CPED1: variants seen among roughly 807,000 people sequenced by gnomAD.
CPED1 encodes cadherin-like and PC-esterase domain-containing protein 1.
A neutral mutation model predicts 128.2 loss-of-function variants in CPED1; 114 were observed. The observed-to-expected ratio is 0.89, with a 90% CI of 0.76 to 1.04. The LOEUF is 1.04. Ranked by LOEUF, CPED1 falls within the 50% of genes least tolerant of loss-of-function variation. The pLI is 0.00. For missense variants in CPED1, 1,211 were observed against 1,207.1 expected, an observed-to-expected ratio of 1.00 and a Z score of -0.05; for synonymous variants, 462 against 426.7, an observed-to-expected ratio of 1.08 and a Z score of -1.02.
chr7:121,151,317 A>G (rs1796153659), intron 16 of CPED1, among the ~76,000 whole-genome samples: 2 of 152,194 alleles, frequency 1.3e-5, no homozygotes, highest in African/African-American at 2.4e-5. Context: ...GTAACTCACA[A>G]TCTGAAGCAG....
At chr7:121,037,510 A>G (rs907567187) in intron 3 of CPED1, among the ~76,000 whole-genome samples, 1 of 152,050 alleles carries the variant, frequency 6.6e-6, no homozygotes, top group Non-Finnish European at 1.5e-5. Flanking sequence ...GCCTATTTTT[A>G]TACTAGTACC....
chr7:120,999,297 GATTA>G (rs1472873358), intron 2 of CPED1, among the ~76,000 whole-genome samples: 2 of 152,010 alleles, frequency 1.3e-5, no homozygotes, highest in Admixed American at 6.6e-5. Flanking sequence ...CATTAAAGTT[GATTA>G]ATTATCTTTG....
chr7:121,236,080 G>A (rs898167489), intron 16 of CPED1, among the ~76,000 whole-genome samples: 9 of 152,116 alleles, frequency 5.9e-5, no homozygotes, highest in Non-Finnish European at 1.0e-4. Context: ...TCCAGCCTGC[G>A]GGTGCAGCTC....
intron 16 of CPED1, among the ~76,000 whole-genome samples, chr7:121,142,904 A>G (rs1795939676): frequency 6.6e-6 from 1 of 151,956 alleles, no homozygotes; most frequent in African/African-American, 2.4e-5. Flanking sequence ...ATGTCACATT[A>G]TATATTACTG....
chr7:121,170,571 T>G (rs1193445296), intron 16 of CPED1, among the ~76,000 whole-genome samples: 1 of 152,172 alleles, frequency 6.6e-6, no homozygotes, highest in Non-Finnish European at 1.5e-5. Context: ...GTTATTATTA[T>G]TAGTACATAC....
At chr7:121,235,592 A>G (rs896665107) in intron 16 of CPED1, among the ~76,000 whole-genome samples, 1 of 152,150 alleles carries the variant, frequency 6.6e-6, no homozygotes, top group African/African-American at 2.4e-5. Flanking sequence ...AATTTCTCAT[A>G]TAATGAGGGA....
At chr7:121,274,020 TTTTA>T (rs776288956) in intron 22 of CPED1, among the ~76,000 whole-genome samples, 125 of 152,246 alleles carry the variant, frequency 8.2e-4, no homozygotes, top group Admixed American at 2.0e-3. Context: ...TAGAAAGAAT[TTTTA>T]TTTGTTTATT....
chr7:121,288,338 C>A (rs1792626600), intron 22 of CPED1, among the ~76,000 whole-genome samples: 1 of 152,190 alleles, frequency 6.6e-6, no homozygotes, highest in African/African-American at 2.4e-5. Flanking sequence ...GTTGGGCCAG[C>A]CACTGGCCTG....
At chr7:121,086,953 C>T (rs1794439011) in intron 5 of CPED1, among the ~76,000 whole-genome samples, 1 of 152,234 alleles carries the variant, frequency 6.6e-6, no homozygotes, top group Non-Finnish European at 1.5e-5. Context: ...CAGAGGCAAA[C>T]TTGGGCAAGG....
intron 5 of CPED1, among the ~76,000 whole-genome samples, chr7:121,066,800 G>T (rs535991685): frequency 2.0e-5 from 3 of 152,076 alleles, no homozygotes; most frequent in Non-Finnish European, 4.4e-5. Flanking sequence ...CACATCCCTG[G>T]ATTCAACCAA....
At chr7:121,096,653 A>G (rs1052661110) in intron 5 of CPED1, among the ~76,000 whole-genome samples, 3 of 152,196 alleles carry the variant, frequency 2.0e-5, no homozygotes, top group Non-Finnish European at 4.4e-5. Flanking sequence ...GAAATAGCAA[A>G]AGAAAAACAT....
chr7:121,152,808 GAT>G (rs1427989481), intron 16 of CPED1, among the ~76,000 whole-genome samples: 3 of 152,138 alleles, frequency 2.0e-5, no homozygotes, highest in Non-Finnish European at 2.9e-5. Context: ...GATTTAATAA[GAT>G]ACAAAAATAT....
intron 5 of CPED1, among the ~76,000 whole-genome samples, chr7:121,071,952 G>A (rs763134107): frequency 5.3e-5 from 8 of 151,826 alleles, no homozygotes; most frequent in Admixed American, 2.0e-4. Flanking sequence ...ACTTTCTTTT[G>A]GCCTTCCTCA....
chr7:121,162,194 G>T (rs897826645), intron 16 of CPED1, among the ~76,000 whole-genome samples: 4 of 152,216 alleles, frequency 2.6e-5, no homozygotes, highest in Non-Finnish European at 1.5e-5. Context: ...GAGGACTATG[G>T]CTAAGTGGAA....
intron 16 of CPED1, among the ~76,000 whole-genome samples, chr7:121,228,685 A>G (rs1366531480): frequency 6.6e-6 from 1 of 152,040 alleles, no homozygotes; most frequent in Admixed American, 6.6e-5. Flanking sequence ...TCAAAGGGAT[A>G]CCTGCACTCA....
rs1381020448 is a variant in CPED1, at chr7:121,296,510, T to C, written c.*858T>C. 1 of 152,174 alleles carries C rather than the reference T, an allele frequency of 6.6e-6. No homozygotes were observed. Among genetic ancestry groups the C allele is most frequent in the African/African-American group, 2.4e-5 (1 of 41,472 alleles). 9.4% of individuals were successfully genotyped at this position (152,174 alleles called of 1,614,324 possible). A position where few individuals can be genotyped will look rare whatever the true frequency, so the allele number is the denominator to read the frequency against. On this transcript the variant is annotated 3_prime_UTR_variant, in exon 23 of 23. Transcript: ENST00000310396. Reference sequence around the variant, plus strand: ...CCTATGTAACTTAAAATTACAATTATATTTTATGTAAATATTTTGCAAAGG... The same window carrying C: ...CCTATGTAACTTAAAATTACAATTACATTTTATGTAAATATTTTGCAAAGG...
At chr7:121,026,609 C>A (rs12706305) in intron 3 of CPED1, among the ~76,000 whole-genome samples, 71,183 of 150,558 alleles carry the variant, frequency 0.47, 18,033 homozygotes, top group South Asian at 0.65. Context: ...CCAGGTGACA[C>A]TCCAGAAAAT....
intron 16 of CPED1, among the ~76,000 whole-genome samples, chr7:121,196,389 A>G (rs1797272993): frequency 1.3e-5 from 2 of 152,092 alleles, no homozygotes; most frequent in Non-Finnish European, 2.9e-5. Flanking sequence ...TGTCAGGCAA[A>G]TGCTTAATCA....
intron 14 of CPED1, among the ~76,000 whole-genome samples, chr7:121,137,869 G>A (rs1331042625): frequency 1.3e-5 from 2 of 152,024 alleles, no homozygotes; most frequent in East Asian, 3.9e-4. Flanking sequence ...CCAGGCCCAA[G>A]GCAAGATGCA....
Sources: gnomAD v4.1 joint callset for allele counts (sites outside exome capture counted in the v4.1 genomes callset) on GRCh38, gnomAD v4.1.1 for gene constraint, MANE v1.5 for transcripts, NCBI Gene and HGNC (gene_info 2026-07-23, HGNC 2026-07-21) for gene names.